The following HHAT variants were observed in gnomAD, a reference collection of about 807,000 sequenced individuals.
HHAT encodes hedgehog acyltransferase, also known as protein-cysteine N-palmitoyltransferase HHAT.
A neutral mutation model predicts 70.8 loss-of-function variants in HHAT; 47 were observed. That is an observed-to-expected ratio of 0.66 (90% CI 0.53 to 0.85). HHAT has a LOEUF of 0.85. HHAT is among the 40% of genes least tolerant of loss of function. The pLI is 0.00. For synonymous variants in HHAT, 228 were observed against 247.6 expected (o/e 0.92, Z 0.74); for missense variants, 609 against 604.8 (o/e 1.01, Z -0.07).
intron 6 of HHAT, among the ~76,000 whole-genome samples, chr1:210,410,772 C>T (rs144189507): frequency 0.013 from 2,043 of 152,044 alleles, 53 homozygotes; most frequent in African/African-American, 0.047. Context: ...GTGATCCGCC[C>T]GCCTTGGCCT....
At chr1:210,585,983 A>G (rs189400329) in intron 9 of HHAT, among the ~76,000 whole-genome samples, 2 of 152,322 alleles carry the variant, frequency 1.3e-5, no homozygotes, top group Admixed American at 6.5e-5. Context: ...GATTCTTGCT[A>G]CAATAAAGAT....
intron 10 of HHAT, among the ~76,000 whole-genome samples, chr1:210,618,080 G>A (rs996420536): frequency 2.6e-5 from 4 of 152,172 alleles, no homozygotes; most frequent in Non-Finnish European, 4.4e-5. Context: ...TACTATGCTG[G>A]TAGGAACATG....
chr1:210,651,317 A>G (rs1675087838), intron 11 of HHAT, among the ~76,000 whole-genome samples: 2 of 152,244 alleles, frequency 1.3e-5, no homozygotes, highest in Admixed American at 1.3e-4. Context: ...TATACTAGGT[A>G]TTTAAGCAGC....
chr1:210,400,391 A>G, intron 4 of HHAT, 77 bp from the exon 5 acceptor site: 1 of 1,301,042 alleles, frequency 7.7e-7, no homozygotes, highest in African/African-American at 1.5e-5. Flanking sequence ...TATCACTTCC[A>G]TGAGCTCACT....
intron 9 of HHAT, among the ~76,000 whole-genome samples, chr1:210,557,230 T>A (rs1353633286): frequency 6.6e-6 from 1 of 152,244 alleles, no homozygotes; most frequent in Non-Finnish European, 1.5e-5. Flanking sequence ...GCTAAACTGC[T>A]GGATATGTGA....
chr1:210,485,176 CCCCAT>C (rs1354278918), intron 8 of HHAT, among the ~76,000 whole-genome samples: 2 of 152,044 alleles, frequency 1.3e-5, no homozygotes, highest in Admixed American at 6.6e-5. Context: ...CCTCCCCTTC[CCCCAT>C]GCAGGAGTGG....
chr1:210,591,805 T>C (rs141828191), intron 10 of HHAT, among the ~76,000 whole-genome samples: 313 of 152,288 alleles, frequency 2.1e-3, no homozygotes, highest in African/African-American at 7.4e-3. Context: ...CTTTTTCATA[T>C]ACCTGTTTGC....
chr1:210,328,553 C>G (rs1009792968), upstream of HHAT, among the ~76,000 whole-genome samples: 2 of 152,268 alleles, frequency 1.3e-5, no homozygotes, highest in African/African-American at 4.8e-5. Flanking sequence ...AGCCCACCCT[C>G]TTTCCACCGC....
At chr1:210,530,699 T>C (rs74840948) in intron 9 of HHAT, among the ~76,000 whole-genome samples, 6,368 of 152,282 alleles carry the variant, frequency 0.042, 175 homozygotes, top group Non-Finnish European at 0.062. Flanking sequence ...TTCTGGGTTG[T>C]TCTTTTACAC....
At chr1:210,344,640 T>G (rs1309832870) in intron 1 of HHAT, among the ~76,000 whole-genome samples, 2 of 152,152 alleles carry the variant, frequency 1.3e-5, no homozygotes, top group African/African-American at 4.8e-5. Flanking sequence ...AAGCCAGACA[T>G]TCCTAGAAAT....
intron 9 of HHAT, among the ~76,000 whole-genome samples, chr1:210,557,416 G>T (rs371460171): frequency 6.6e-6 from 1 of 152,094 alleles, no homozygotes; most frequent in East Asian, 1.9e-4. Flanking sequence ...CCAGCCTGAC[G>T]ATCAGAACCT....
At chr1:210,661,097 C>T (rs1677598130) in intron 11 of HHAT, among the ~76,000 whole-genome samples, 1 of 152,152 alleles carries the variant, frequency 6.6e-6, no homozygotes, top group African/African-American at 2.4e-5. Flanking sequence ...AGCTTCTGCA[C>T]AGCAAAAGAA....
At chr1:210,438,365 A>G (rs916019380) in intron 7 of HHAT, among the ~76,000 whole-genome samples, 1 of 151,774 alleles carries the variant, frequency 6.6e-6, no homozygotes, top group African/African-American at 2.4e-5. Flanking sequence ...GCACAGTTAC[A>G]TACATATCAC....
intron 9 of HHAT, among the ~76,000 whole-genome samples, chr1:210,565,859 C>T (rs1654599452): frequency 6.6e-6 from 1 of 152,190 alleles, no homozygotes; most frequent in African/African-American, 2.4e-5. Context: ...CTCCTGGCCG[C>T]TAAGAGCGTG....
chr1:210,662,513 C>T (rs777890212), intron 11 of HHAT, among the ~76,000 whole-genome samples: 2 of 152,142 alleles, frequency 1.3e-5, no homozygotes, highest in African/African-American at 2.4e-5. Context: ...AATAAAAACA[C>T]AGGTTAAAGA....
At chr1:210,660,737 A>C (rs1677509631) in intron 11 of HHAT, among the ~76,000 whole-genome samples, 1 of 152,312 alleles carries the variant, frequency 6.6e-6, no homozygotes, top group Admixed American at 6.5e-5. Context: ...ATGGAACAGA[A>C]CAGACACCTC....
Position 210,415,417 on chromosome 1 carries a change from G to C in HHAT, c.685-2737G>C, listed in dbSNP as rs572289003. Among the ~76,000 whole-genome samples the C allele has an allele frequency of 4.6e-5, 7 of 152,076 alleles. 1 individual carries two copies. The highest frequency in any genetic ancestry group is 1.0e-4 in the Non-Finnish European group (7 of 68,016). On this transcript the variant is annotated intron_variant, in intron 6 of 11. Coordinates refer to ENST00000261458, the MANE Select transcript of HHAT (RefSeq NM_018194.6). ...TATGCCCAGAAAGGGGTCTGCCTGG[G>C]GTCACTAGTGCATCTGTAATTGCAG...
At chr1:210,346,262 A>G (rs1327658520) in intron 1 of HHAT, among the ~76,000 whole-genome samples, 1 of 152,212 alleles carries the variant, frequency 6.6e-6, no homozygotes, top group African/African-American at 2.4e-5. Flanking sequence ...TCGCCCAATT[A>G]GGAGATCAGC....
At chr1:210,393,389 G>A (rs1307270874) in intron 4 of HHAT, among the ~76,000 whole-genome samples, 2 of 152,302 alleles carry the variant, frequency 1.3e-5, no homozygotes, top group Non-Finnish European at 2.9e-5. Context: ...CTTGTCTTGG[G>A]TCCTGGGGGA....
Sources: allele counts gnomAD v4.1 joint callset (sites outside exome capture counted in the v4.1 genomes callset), GRCh38; gene constraint gnomAD v4.1.1; transcripts MANE v1.5; gene names NCBI Gene and HGNC (gene_info 2026-07-23, HGNC 2026-07-21).